Variants in TNS4 observed in about 807,000 individuals in gnomAD.
TNS4 encodes tensin-4.
Under a neutral mutation model 70.4 loss-of-function variants are expected in TNS4, and 46 were observed. The ratio of observed to expected loss-of-function variants is 0.65; its 90% confidence interval spans 0.52 to 0.84. The LOEUF is 0.84. Among genes scored for constraint, TNS4 ranks in the 40% least tolerant of loss-of-function variants. TNS4 has a pLI of 0.00. For synonymous variants in TNS4, 390 were observed against 366.6 expected, an observed-to-expected ratio of 1.06 and a Z score of -0.73; for missense variants, 863 against 907.0, an observed-to-expected ratio of 0.95 and a Z score of 0.62.
chr17:40,477,782 C>T, intron 12 of TNS4, 53 bp from the exon 13 acceptor site: 3 of 1,588,342 alleles, frequency 1.9e-6, no homozygotes, highest in Non-Finnish European at 1.7e-6. Flanking sequence ...AGGCATCAGG[C>T]TGGTGGGAAT....
rs372464786 is a variant in TNS4 at position 40,488,805 on chromosome 17, T to C, written c.604A>G (p.Ile202Val). ...RETRSSSESL[I>V]FSGNQGRGHQ... ...CCCCTGCCCTGGTTCCCAGAGAAGA[T>C]GAGGCTCTCACTGCTGCTTCGTGTC... The change falls in exon 3 of 13, where the codon ATC (isoleucine) becomes GTC (valine). Residue 202 changes from isoleucine to valine, a missense_variant. Transcript: ENST00000254051. The C allele has an allele frequency of 4.3e-6, 7 of 1,611,508 alleles. No individual in the cohort carries two copies. The highest frequency in any genetic ancestry group is 2.7e-5 in the African/African-American group (2 of 74,074).
At position 40,477,401 on chromosome 17, in the gene TNS4, G is replaced by C. The variant is rs2035861149; in HGVS notation, c.*187C>G. On this transcript the variant is annotated 3_prime_UTR_variant, in exon 13 of 13. Transcript: ENST00000254051. ...CTATGATTGAGGAAACTGAGGCCCG[G>C]GGGGTCTGGATGATGGTGACTGCTG... 1.6e-6 allele frequency: 1 copy of C among 630,934 alleles called. No homozygotes were observed. Among genetic ancestry groups the C allele is most frequent in the Non-Finnish European group, 2.6e-6 (1 of 385,536 alleles). The allele number at this position is 630,934 out of a possible 1,614,324, so 39.1% of individuals were successfully genotyped here.
At chr17:40,479,389 C>T (rs1031306483) in intron 10 of TNS4, among the ~76,000 whole-genome samples, 2 of 152,258 alleles carry the variant, frequency 1.3e-5, no homozygotes, top group East Asian at 1.9e-4. Context: ...TCAGGTGATC[C>T]GCCCGCCTCG....
In TNS4 at chr17:40,496,500, C is replaced by T. The variant is rs2036147907; in HGVS notation, c.-75G>A. 1 of 1,462,806 alleles carries T rather than the reference C, an allele frequency of 6.8e-7. No individual in the cohort carries two copies. The highest frequency in any genetic ancestry group is 1.3e-5 in the South Asian group (1 of 75,094). The allele number at this position is 1,462,806 out of a possible 1,614,324, so 90.6% of individuals were successfully genotyped here. ...ACTGACATCCCAGAGATCTCACTTGCTAACCAGGAGCTCCCAGGATCTGAA... is the reference window on the plus strand; with the variant it reads ...ACTGACATCCCAGAGATCTCACTTGTTAACCAGGAGCTCCCAGGATCTGAA... On this transcript the variant is annotated 5_prime_UTR_variant, in exon 2 of 13. Transcript: ENST00000254051.
intron 9 of TNS4, 164 bp from the exon 10 acceptor site, chr17:40,480,006 G>A: frequency 1.2e-6 from 1 of 845,098 alleles, no homozygotes; most frequent in Non-Finnish European, 1.8e-6. Context: ...CACAGTTTGA[G>A]GCCAACCCCA....
rs527710864 is a variant in TNS4 at position 40,478,747 on chromosome 17, C to T, written c.1911-99G>A. On this transcript the variant is annotated intron_variant, in intron 10 of 12. Coordinates refer to ENST00000254051, the MANE Select transcript of TNS4 (RefSeq NM_032865.6). ...TTCCCCCCAAGCTCAGGTGCCCTGT[C>T]CTCCAAGAAGTCTCTGGGTTAGACC... is the stretch of plus-strand genomic sequence containing the variant. 6 of 1,382,296 alleles carry T rather than the reference C, an allele frequency of 4.3e-6. No homozygotes were observed. In the African/African-American group the frequency reaches 8.5e-5, roughly 20 times the overall value. 85.6% of individuals were successfully genotyped at this position (1,382,296 alleles called of 1,614,324 possible).
At chr17:40,499,575 C>T (rs1597703381) in intron 1 of TNS4, among the ~76,000 whole-genome samples, 1 of 152,356 alleles carries the variant, frequency 6.6e-6, no homozygotes, top group East Asian at 1.9e-4. Context: ...TCTCCTGCCT[C>T]CCCCAACGCC....
At chr17:40,484,705 AC>A (rs1442537110) in intron 5 of TNS4, 96 bp from the exon 6 acceptor site, 2 of 1,550,030 alleles carry the variant, frequency 1.3e-6, no homozygotes, top group African/African-American at 2.7e-5. Context: ...TTACAGAGTC[AC>A]CTTTTGTCCC....
At chr17:40,495,167 A>T (rs999480100) in intron 2 of TNS4, among the ~76,000 whole-genome samples, 2 of 152,196 alleles carry the variant, frequency 1.3e-5, no homozygotes, top group African/African-American at 4.8e-5. Flanking sequence ...CTTACATTAA[A>T]AACAAAGGTA....
Position 40,496,005 on chromosome 17 carries a change from C to T in TNS4, c.421G>A (p.Glu141Lys), listed in dbSNP as rs554343422. The change falls in exon 2 of 13, where the codon GAG becomes AAG. Residue 141 changes from glutamate to lysine, a missense_variant. Transcript: ENST00000254051. ...TCCTTACCCAAGGCTTCAGATTCCTCCTTCTTTCTCATTGACATGGTGCTC... is the reference window on the plus strand; with the variant it reads ...TCCTTACCCAAGGCTTCAGATTCCTTCTTCTTTCTCATTGACATGGTGCTC... ...AQSTMSMRKK[E>K]ESEALDIKYI... The T allele has an allele frequency of 1.6e-5, 25 of 1,611,604 alleles. No homozygotes were observed. In the Admixed American group the frequency reaches 4.2e-4, roughly 27 times the overall value.
At chr17:40,485,450 C>T (rs1156371991) in intron 4 of TNS4, among the ~76,000 whole-genome samples, 2 of 152,100 alleles carry the variant, frequency 1.3e-5, no homozygotes, top group African/African-American at 2.4e-5. Context: ...TGGCAGAAAA[C>T]GTGAAGGAGA....
rs1190062087 is a variant in TNS4, at chr17:40,476,540, C to T, written c.*1048G>A. The T allele has an allele frequency of 2.0e-5, 3 of 151,860 alleles. No individual in the cohort carries two copies. Among genetic ancestry groups the T allele is most frequent in the African/African-American group, 4.8e-5 (2 of 41,316 alleles). The allele number at this position is 151,860 out of a possible 1,614,324, so 9.4% of individuals were successfully genotyped here. On this transcript the variant is annotated 3_prime_UTR_variant, in exon 13 of 13. Transcript: ENST00000254051. Reference sequence around the variant, plus strand: ...CTAATATGCAACATTAGGGCAGCTACGATACCAGCTTTGGAATACTCGCCT... The same window carrying T: ...CTAATATGCAACATTAGGGCAGCTATGATACCAGCTTTGGAATACTCGCCT...
intron 4 of TNS4, among the ~76,000 whole-genome samples, chr17:40,486,314 A>T (rs1446187624): frequency 6.6e-6 from 1 of 151,548 alleles, no homozygotes; most frequent in Non-Finnish European, 1.5e-5. Context: ...GTCAGAACTG[A>T]CTCGCCCTCT....
In TNS4 at chr17:40,488,989, A is replaced by C. The variant is rs768015932; in HGVS notation, c.440-20T>G. 6.5e-7 allele frequency: 1 copy of C among 1,539,126 alleles called. No individual in the cohort carries two copies. Among genetic ancestry groups the C allele is most frequent in the African/African-American group, 1.4e-5 (1 of 72,166 alleles). ...TTATGTCTTTGGGGGAGAAAAGCAGAGCATTGGTGAAATGCAGGAGCCTGG... is the reference window on the plus strand; with the variant it reads ...TTATGTCTTTGGGGGAGAAAAGCAGCGCATTGGTGAAATGCAGGAGCCTGG... On this transcript the variant is annotated intron_variant, in intron 2 of 12. Transcript: ENST00000254051.
At chr17:40,499,599 G>A (rs912611543) in intron 1 of TNS4, among the ~76,000 whole-genome samples, 1 of 152,260 alleles carries the variant, frequency 6.6e-6, no homozygotes, top group Non-Finnish European at 1.5e-5. Flanking sequence ...GGCTCCGGTA[G>A]GTCTGATGCC....
At chr17:40,480,858 T>C in intron 8 of TNS4, 90 bp from the exon 9 acceptor site, 1 of 1,417,000 alleles carries the variant, frequency 7.1e-7, no homozygotes, top group South Asian at 1.3e-5. Context: ...TGAATCCCTT[T>C]GAAGATCTCC....
chr17:40,500,701 A>G (rs2036201885), intron 1 of TNS4, among the ~76,000 whole-genome samples: 6 of 152,272 alleles, frequency 3.9e-5, no homozygotes, highest in African/African-American at 1.4e-4. Flanking sequence ...GGGTGGGGCA[A>G]GGGTAAAGCC....
chr17:40,491,823 G>A (rs1211877402), intron 2 of TNS4, among the ~76,000 whole-genome samples: 2 of 152,188 alleles, frequency 1.3e-5, no homozygotes, highest in African/African-American at 2.4e-5. Context: ...CCAGGCAGGC[G>A]GGTGAGTGGA....
chr17:40,479,742 G>T lies in TNS4; in HGVS notation c.1842C>A (p.Leu614=), dbSNP rs375406751. The T allele has an allele frequency of 6.2e-7, 1 of 1,613,988 alleles. No homozygotes were observed. Among genetic ancestry groups the T allele is most frequent in the African/African-American group, 1.3e-5 (1 of 74,922 alleles). Residue 614 remains leucine (L), a synonymous_variant, in exon 10 of 13, where the codon CTC becomes CTA. Coordinates refer to ENST00000254051, the MANE Select transcript of TNS4 (RefSeq NM_032865.6). ...TGAAGTGGACCACGGTGGGCGTGGG[G>T]AGGATGTCCCTCTCAAAGGTGGTGG... ...AISTTFERDI[L]PTPTVVHFKV...
Sources: allele counts gnomAD v4.1 joint callset (sites outside exome capture counted in the v4.1 genomes callset), GRCh38; gene constraint gnomAD v4.1.1; transcripts MANE v1.5; gene names NCBI Gene and HGNC (gene_info 2026-07-23, HGNC 2026-07-21).